Variants in PARVB observed in about 807,000 individuals in gnomAD.
PARVB encodes the protein beta-parvin.
In PARVB, 46 loss-of-function variants were observed where a neutral mutation model predicts 47.0. The observed-to-expected ratio is 0.98, with a 90% confidence interval of 0.77 to 1.25. The LOEUF is 1.25. PARVB is among the 50% of genes most tolerant of loss of function. The probability of loss-of-function intolerance (pLI) is 0.00; values close to 1 mark genes in which losing one functional copy is unlikely to be tolerated. For synonymous variants in PARVB, 196 were observed against 196.3 expected (o/e 1.00, Z 0.01); for missense variants, 473 against 471.6 (o/e 1.00, Z -0.03).
chr22:44,046,660 C>T (rs749377659), intron 1 of PARVB, among the ~76,000 whole-genome samples: 4 of 152,244 alleles, frequency 2.6e-5, no homozygotes, highest in South Asian at 2.1e-4. Context: ...TCCCTGGACA[C>T]ACTTGATTAA....
chr22:43,999,834 G>GGAAAA (rs760324965), intron 2 of PARVB, among the ~76,000 whole-genome samples: 7 of 69,360 alleles, frequency 1.0e-4, no homozygotes, highest in African/African-American at 3.4e-4. Context: ...CCATCTATAT[G>GGAAAA]AAAAAAAAAA....
At chr22:44,130,742 T>C (rs1396876697) in intron 4 of PARVB, among the ~76,000 whole-genome samples, 1 of 152,210 alleles carries the variant, frequency 6.6e-6, no homozygotes, top group Non-Finnish European at 1.5e-5. Flanking sequence ...ACTCCCACTT[T>C]CATTCTTCCC....
chr22:44,106,191 C>A (rs2052564944), intron 3 of PARVB: 1 of 111,710 alleles, frequency 9.0e-6, no homozygotes, highest in Non-Finnish European at 1.7e-5. Flanking sequence ...TGTGAGATGG[C>A]AGGGAGGAGG....
intron 3 of PARVB, chr22:44,114,260 A>T (rs1156328527): frequency 6.6e-6 from 1 of 150,972 alleles, no homozygotes; most frequent in Non-Finnish European, 1.4e-5. Flanking sequence ...GTTACTAACT[A>T]AGGCCCTGCA....
At chr22:44,096,808 TG>T (rs1222339940) in intron 2 of PARVB, among the ~76,000 whole-genome samples, 1 of 151,880 alleles carries the variant, frequency 6.6e-6, no homozygotes, top group African/African-American at 2.4e-5. Flanking sequence ...ACGCACAAGG[TG>T]GGGAGGGCGG....
chr22:44,131,580 A>C lies in PARVB; in HGVS notation c.470A>C (p.His157Pro), dbSNP rs774322525. ...QKLQTVLEAVHDLLRPRGWAL... is the reference protein window; with the variant it reads ...QKLQTVLEAVPDLLRPRGWAL... ...CTGCAGACGGTGCTGGAAGCAGTAC[A>C]TGACCTGCTGCGGCCCCGAGGCTGG... Residue 157 changes from histidine to proline, a missense_variant, in exon 5 of 13, where the codon CAT becomes CCT. His to Pro is a moderately conservative substitution (Grantham distance 77, BLOSUM62 -2). Transcript: ENST00000338758. The C allele has an allele frequency of 6.2e-7, 1 of 1,614,180 alleles. No homozygotes were observed. The highest frequency in any genetic ancestry group is 1.1e-5 in the South Asian group (1 of 91,084).
chr22:44,040,957 C>T (rs1044800167), intron 1 of PARVB, among the ~76,000 whole-genome samples: 3 of 151,624 alleles, frequency 2.0e-5, no homozygotes, highest in Non-Finnish European at 4.4e-5. Context: ...GAGCCGAGAT[C>T]ACGCCACTGC....
chr22:44,079,528 A>G lies in PARVB; in HGVS notation c.113-14400A>G, dbSNP rs1419903730. ...ATTAAATCCCCAGGCTGAGGAGGAC[A>G]GAGGGTGAGGGAATCTGACCCCTTA... is the stretch of plus-strand genomic sequence containing the variant. On this transcript the variant is annotated intron_variant, in intron 1 of 12. Coordinates refer to ENST00000338758, the MANE Select transcript of PARVB (RefSeq NM_013327.5). 2.6e-5 allele frequency among the ~76,000 whole-genome samples: 4 copies of G among 152,316 alleles called. No homozygotes were observed. The South Asian group carries it at 6.2e-4, about 24-fold the overall frequency.
At chr22:44,058,600 G>A (rs2051359647) in intron 1 of PARVB, among the ~76,000 whole-genome samples, 1 of 144,638 alleles carries the variant, frequency 6.9e-6, no homozygotes, top group Admixed American at 7.2e-5. Context: ...TGTAGCCCAG[G>A]CTGGAGTGCA....
intron 7 of PARVB, among the ~76,000 whole-genome samples, chr22:44,138,777 T>C (rs539663604): frequency 2.0e-5 from 3 of 152,292 alleles, no homozygotes; most frequent in South Asian, 2.1e-4. Context: ...GTGGCCAACA[T>C]TGAAATATTG....
intron 4 of PARVB, among the ~76,000 whole-genome samples, chr22:44,126,809 A>G (rs1033702453): frequency 2.6e-5 from 4 of 152,204 alleles, no homozygotes; most frequent in South Asian, 2.1e-4. Flanking sequence ...CTCCCACCCA[A>G]TGACTTGAAA....
chr22:44,055,268 C>T (rs1023626531), intron 1 of PARVB, among the ~76,000 whole-genome samples: 7 of 152,082 alleles, frequency 4.6e-5, no homozygotes, highest in Admixed American at 3.9e-4. Flanking sequence ...CCGCCTTGAA[C>T]GTTGCATTTA....
chr22:44,117,568 G>C (rs1478909441), intron 3 of PARVB, among the ~76,000 whole-genome samples: 1 of 152,204 alleles, frequency 6.6e-6, no homozygotes. Flanking sequence ...GAATGCCACA[G>C]GGCCATGCAC....
chr22:44,093,470 C>T (rs1047696151), intron 1 of PARVB, among the ~76,000 whole-genome samples: 5 of 152,250 alleles, frequency 3.3e-5, no homozygotes, highest in Non-Finnish European at 7.3e-5. Flanking sequence ...CCACTTTAAA[C>T]TCCAGATTCA....
In PARVB at chr22:44,132,885, C is replaced by T. The variant is rs770143194; in HGVS notation, c.518-9C>T. ...TCTAAAGCGTCTCCCTTCCTCCTTC[C>T]TCCTGCAGCAATTCACGGGAAGAAC... On this transcript the variant is annotated splice_polypyrimidine_tract_variant and intron_variant, in intron 5 of 12. Transcript: ENST00000338758. The T allele has an allele frequency of 5.6e-6, 9 of 1,602,066 alleles. No individual in the cohort carries two copies. Among genetic ancestry groups the T allele is most frequent in the Non-Finnish European group, 7.7e-6 (9 of 1,169,050 alleles).
intron 1 of PARVB, among the ~76,000 whole-genome samples, chr22:44,083,955 C>A (rs1399724825): frequency 6.6e-6 from 1 of 152,186 alleles, no homozygotes. Context: ...GTACATTTGA[C>A]AGAATGGTCT....
At chr22:44,127,509 T>C (rs143509973) in intron 4 of PARVB, among the ~76,000 whole-genome samples, 498 of 152,200 alleles carry the variant, frequency 3.3e-3, no homozygotes, top group Non-Finnish European at 5.5e-3. Flanking sequence ...AAATAGGAGA[T>C]TTTAGCTGAA....
chr22:44,155,525 G>A lies in PARVB; in HGVS notation c.844-2457G>A, dbSNP rs1205135504. Among the ~76,000 whole-genome samples the A allele has an allele frequency of 6.6e-6, 1 of 152,182 alleles. No homozygotes were observed. The highest frequency in any genetic ancestry group is 1.5e-5 in the Non-Finnish European group (1 of 68,026). ...CACCACGGAAGGAAGAAAAGACTCAGCAGGCTCAGGGCCTGCGGGAGCAGC... is the reference window on the plus strand; with the variant it reads ...CACCACGGAAGGAAGAAAAGACTCAACAGGCTCAGGGCCTGCGGGAGCAGC... On this transcript the variant is annotated intron_variant, in intron 10 of 12. Transcript: ENST00000338758. This position sits in a 1 kb window ranked among gnomAD's most constrained non-coding sequence, Gnocchi z 4.8.
At chr22:44,061,678 G>A (rs951600767) in intron 1 of PARVB, among the ~76,000 whole-genome samples, 10 of 150,522 alleles carry the variant, frequency 6.6e-5, no homozygotes, top group African/African-American at 2.2e-4. Context: ...GTGCAGTGGT[G>A]CAATCTCGGC....
Sources: allele counts gnomAD v4.1 joint callset (sites outside exome capture counted in the v4.1 genomes callset), GRCh38; gene constraint gnomAD v4.1.1; non-coding constraint Gnocchi (gnomAD v3.1); transcripts MANE v1.5; gene names NCBI Gene and HGNC (gene_info 2026-07-23, HGNC 2026-07-21).